TPP2: variants seen among roughly 807,000 people sequenced by gnomAD.
TPP2 encodes the protein tripeptidyl peptidase 2, also known as tripeptidyl-peptidase 2.
Under a neutral mutation model 155.9 loss-of-function variants are expected in TPP2, and 34 were observed. That is an observed-to-expected ratio of 0.22 (90% confidence interval 0.17 to 0.29). TPP2 has a LOEUF of 0.29. TPP2 is among the 10% of genes least tolerant of loss of function. The pLI, the probability that TPP2 is intolerant of heterozygous loss-of-function variation, is 1.00. For missense variants in TPP2, 1,028 were observed against 1,522.3 expected, an observed-to-expected ratio of 0.68 and a Z score of 5.40; for synonymous variants, 510 against 529.4, an observed-to-expected ratio of 0.96 and a Z score of 0.50.
chr13:102,628,370 C>A (rs1423770611), intron 8 of TPP2, among the ~76,000 whole-genome samples: 1 of 152,166 alleles, frequency 6.6e-6, no homozygotes, highest in African/African-American at 2.4e-5. Context: ...CACTCTGAAG[C>A]CATCCTCAGT....
At chr13:102,633,819 G>T in intron 10 of TPP2, 131 bp from the exon 11 acceptor site, 1 of 1,283,762 alleles carries the variant, frequency 7.8e-7, no homozygotes, top group Non-Finnish European at 1.1e-6. Context: ...TAGTATCTGT[G>T]TCACTATTTG....
At chr13:102,655,731 CTGA>C (rs1412339320) in intron 24 of TPP2, among the ~76,000 whole-genome samples, 6 of 152,308 alleles carry the variant, frequency 3.9e-5, no homozygotes, top group African/African-American at 1.4e-4. Flanking sequence ...CCACTGTCCC[CTGA>C]CACTGTTCTT....
At chr13:102,601,466 A>G (rs1387505598) in intron 1 of TPP2, among the ~76,000 whole-genome samples, 1 of 152,210 alleles carries the variant, frequency 6.6e-6, no homozygotes, top group African/African-American at 2.4e-5. Flanking sequence ...CTTACTGGTT[A>G]CATTGAAGAC....
chr13:102,640,172 T>G, intron 15 of TPP2, 98 bp from the exon 16 acceptor site: 1 of 934,312 alleles, frequency 1.1e-6, no homozygotes, highest in African/African-American at 1.8e-5. Flanking sequence ...CTGTGTTTAT[T>G]TCCAATGAAT....
chr13:102,672,613 TC>T (rs1336846037), intron 27 of TPP2, among the ~76,000 whole-genome samples: 3 of 152,150 alleles, frequency 2.0e-5, no homozygotes, highest in Non-Finnish European at 4.4e-5. Flanking sequence ...CCATTGCTGT[TC>T]CAAGCCCCTT....
chr13:102,663,136 T>TA (rs1884348291), intron 25 of TPP2, among the ~76,000 whole-genome samples: 20 of 100,950 alleles, frequency 2.0e-4, no homozygotes, highest in South Asian at 8.4e-4. Flanking sequence ...ATTTATTTTT[T>TA]TTAATTAATT....
chr13:102,667,107 G>A (rs1249615983), intron 27 of TPP2, among the ~76,000 whole-genome samples: 3 of 151,988 alleles, frequency 2.0e-5, no homozygotes, highest in Non-Finnish European at 4.4e-5. Flanking sequence ...GTCATCTATG[G>A]GCAAGTAGCA....
intron 9 of TPP2, 103 bp from the exon 10 acceptor site, chr13:102,629,993 G>A (rs1036318303): frequency 8.0e-6 from 7 of 880,346 alleles, no homozygotes; most frequent in Non-Finnish European, 1.3e-5. Context: ...ATTAGAGAGA[G>A]GACTGGTGTT....
chr13:102,676,421 T>C lies in TPP2; in HGVS notation c.3699+6T>C, dbSNP rs1885284638. ...ACTGGAAAAATTGTATTCAAGTAAGTGATATTTAAAATGTCACTGTTAAGC... is the reference window on the plus strand; with the variant it reads ...ACTGGAAAAATTGTATTCAAGTAAGCGATATTTAAAATGTCACTGTTAAGC... On this transcript the variant is annotated splice_donor_region_variant and intron_variant, in intron 29 of 29. Transcript: ENST00000376052. The C allele has an allele frequency of 1.9e-6, 3 of 1,607,536 alleles. No homozygotes were observed. The highest frequency in any genetic ancestry group is 2.7e-5 in the African/African-American group (2 of 74,636).
intron 24 of TPP2, among the ~76,000 whole-genome samples, chr13:102,654,132 G>C (rs556015742): frequency 1.5e-3 from 233 of 152,134 alleles, no homozygotes; most frequent in Non-Finnish European, 2.8e-3. Flanking sequence ...CTTGAGAATT[G>C]TCATAAAAAT....
At chr13:102,608,759 C>T (rs528325119) in intron 2 of TPP2, among the ~76,000 whole-genome samples, 12 of 151,932 alleles carry the variant, frequency 7.9e-5, no homozygotes, top group Non-Finnish European at 1.8e-4. Flanking sequence ...CTGCTTCCTC[C>T]TCTCCTTTCT....
chr13:102,619,325 A>G (rs571431626), intron 5 of TPP2, among the ~76,000 whole-genome samples: 7 of 152,210 alleles, frequency 4.6e-5, no homozygotes, highest in African/African-American at 1.4e-4. Flanking sequence ...TATATACTGC[A>G]TATGTGCTTC....
At chr13:102,633,103 A>C (rs987701367) in intron 10 of TPP2, among the ~76,000 whole-genome samples, 3 of 152,150 alleles carry the variant, frequency 2.0e-5, no homozygotes, top group African/African-American at 7.2e-5. Flanking sequence ...CTCTGTGGGG[A>C]ATGTATGGCC....
chr13:102,616,066 C>T (rs893294749), intron 3 of TPP2, among the ~76,000 whole-genome samples: 1 of 151,986 alleles, frequency 6.6e-6, no homozygotes, highest in African/African-American at 2.4e-5. Flanking sequence ...AAGCGATTCT[C>T]GTGCCTTAGC....
At chr13:102,662,149 C>T (rs551176350) in intron 25 of TPP2, among the ~76,000 whole-genome samples, 6 of 152,138 alleles carry the variant, frequency 3.9e-5, no homozygotes, top group African/African-American at 1.4e-4. Flanking sequence ...GTGGTAGTAG[C>T]CAGTCACAAA....
chr13:102,605,511 A>G (rs1382694960), intron 2 of TPP2, among the ~76,000 whole-genome samples: 2 of 152,152 alleles, frequency 1.3e-5, no homozygotes, highest in African/African-American at 2.4e-5. Flanking sequence ...TTGATGAGGT[A>G]ATTAGAATTG....
intron 7 of TPP2, 74 bp from the exon 8 acceptor site, chr13:102,627,774 A>G (rs1377113936): frequency 3.9e-6 from 4 of 1,038,506 alleles, no homozygotes; most frequent in African/African-American, 1.6e-5. Context: ...AGGATTATAT[A>G]TATGCCCTTA....
At position 102,597,113 on chromosome 13, in the gene TPP2, C is replaced by T; in HGVS notation, c.75C>T (p.Ser25=). The T allele has an allele frequency of 6.2e-7, 1 of 1,611,422 alleles. No homozygotes were observed. The highest frequency in any genetic ancestry group is 8.5e-7 in the Non-Finnish European group (1 of 1,179,266). The change falls in exon 1 of 30, where the codon TCC becomes TCT. Residue 25 remains serine (S), a synonymous_variant. Transcript: ENST00000376052. The stretch of plus-strand genomic sequence containing the variant: ...CGAAGAAGGAGACCGGAGCCGCCTC[C>T]TTCCTCTGCCGCTACCCGGAGTATG... ...LLPKKETGAA[S]FLCRYPEYDG...
chr13:102,620,746 G>A (rs1431467549), intron 5 of TPP2, among the ~76,000 whole-genome samples: 1 of 152,204 alleles, frequency 6.6e-6, no homozygotes, highest in Non-Finnish European at 1.5e-5. Context: ...AGGACGCAGA[G>A]CCTCAGACTC....
Sources: allele counts gnomAD v4.1 joint callset (sites outside exome capture counted in the v4.1 genomes callset), GRCh38; gene constraint gnomAD v4.1.1; transcripts MANE v1.5; gene names NCBI Gene and HGNC (gene_info 2026-07-23, HGNC 2026-07-21).